Variants in ZZEF1 observed in about 807,000 individuals in gnomAD.
ZZEF1 encodes zinc finger ZZ-type and EF-hand domain-containing protein 1.
In ZZEF1, 157 loss-of-function variants were observed where a neutral mutation model predicts 342.8. The observed-to-expected ratio is 0.46, with a 90% CI of 0.40 to 0.52. ZZEF1 has a LOEUF of 0.52. Ranked by LOEUF, ZZEF1 falls within the 20% of genes least tolerant of loss-of-function variation. The pLI, the probability that ZZEF1 is intolerant of heterozygous loss-of-function variation, is 0.00. For missense variants in ZZEF1, 3,480 were observed against 3,725.6 expected, an observed-to-expected ratio of 0.93 and a Z score of 1.72; for synonymous variants, 1,505 against 1,429.1, an observed-to-expected ratio of 1.05 and a Z score of -1.20.
At chr17:4,110,649 AT>A (rs2058280680) in intron 5 of ZZEF1, among the ~76,000 whole-genome samples, 1 of 151,488 alleles carries the variant, frequency 6.6e-6, no homozygotes, top group Non-Finnish European at 1.5e-5. Context: ...CAAGGTTATA[AT>A]GGTATAAAAT....
chr17:4,138,638 A>G (rs2058792779), intron 1 of ZZEF1, among the ~76,000 whole-genome samples: 1 of 152,218 alleles, frequency 6.6e-6, no homozygotes, highest in Non-Finnish European at 1.5e-5. Context: ...CGAATTTCAC[A>G]AAGTAGGCAC....
chr17:4,120,787 A>G (rs1790451330), intron 2 of ZZEF1, among the ~76,000 whole-genome samples: 1 of 152,218 alleles, frequency 6.6e-6, no homozygotes, highest in Admixed American at 6.5e-5. Flanking sequence ...TGTTAAAAAC[A>G]AAACAAAAAC....
At chr17:4,045,165 A>T (rs571190249) in intron 37 of ZZEF1, among the ~76,000 whole-genome samples, 158 of 119,738 alleles carry the variant, frequency 1.3e-3, no homozygotes, top group African/African-American at 4.6e-3. Flanking sequence ...AAAAAAAAAT[A>T]AGATAGTAAC....
intron 34 of ZZEF1, among the ~76,000 whole-genome samples, chr17:4,053,819 A>T (rs142749447): frequency 3.9e-5 from 6 of 152,318 alleles, no homozygotes; most frequent in African/African-American, 7.2e-5. Context: ...ACTGGTCCCG[A>T]GTGTTTATTA....
intron 18 of ZZEF1, among the ~76,000 whole-genome samples, chr17:4,079,247 G>C (rs558231382): frequency 6.6e-6 from 1 of 152,162 alleles, no homozygotes; most frequent in African/African-American, 2.4e-5. Context: ...GGGCAGAATC[G>C]ACTCCTATGA....
chr17:4,024,936 A>G lies in ZZEF1; in HGVS notation c.7075T>C (p.Leu2359=). ...CCCATTACCTTTAGTGTTTTATACA[A>G]TCCTTTCAGGGCCAGGGACAGGACC... ...TWVLSLALKG[L]YKTLKAHGFE... The change falls in exon 43 of 55, where the codon TTG becomes CTG. Residue 2359 remains leucine, a synonymous_variant. Coordinates refer to ENST00000381638, the MANE Select transcript of ZZEF1 (RefSeq NM_015113.4). 1 of 1,614,188 alleles carries G rather than the reference A, an allele frequency of 6.2e-7. No individual in the cohort carries two copies. The highest frequency in any genetic ancestry group is 1.1e-5 in the South Asian group (1 of 91,078).
At chr17:4,038,731 G>A (rs543130356) in intron 39 of ZZEF1, among the ~76,000 whole-genome samples, 6 of 152,146 alleles carry the variant, frequency 3.9e-5, no homozygotes, top group South Asian at 2.1e-4. Context: ...ACTTGAACCC[G>A]GGAGGCAGAG....
chr17:4,014,065 T>G lies in ZZEF1; in HGVS notation c.8413+25A>C. The G allele has an allele frequency of 6.2e-7, 1 of 1,609,388 alleles. No individual in the cohort carries two copies. The highest frequency in any genetic ancestry group is 8.5e-7 in the Non-Finnish European group (1 of 1,176,008). On this transcript the variant is annotated intron_variant, in intron 51 of 54. Transcript: ENST00000381638. This position sits in a 1 kb window ranked among gnomAD's most constrained non-coding sequence, Gnocchi z 4.4. ...GAGTGTCCCTGGCAGGCAGATGGTG[T>G]GAACGCAAAGCCCAGAGCACACACC...
intron 12 of ZZEF1, 26 bp from the exon 13 acceptor site, chr17:4,088,919 TAGA>T: frequency 6.2e-7 from 1 of 1,607,916 alleles, no homozygotes; most frequent in Non-Finnish European, 8.5e-7. Flanking sequence ...GAGATTTCAA[TAGA>T]AGAACTCAGA....
At chr17:4,077,110 C>G in intron 19 of ZZEF1, 121 bp from the exon 20 acceptor site, 1 of 977,444 alleles carries the variant, frequency 1.0e-6, no homozygotes, top group South Asian at 2.9e-5. Context: ...CAGCGAAGAC[C>G]ACAAGGCCAG....
At chr17:4,082,344 A>C in intron 17 of ZZEF1, 93 bp downstream of exon 17, 4 of 1,163,414 alleles carry the variant, frequency 3.4e-6, no homozygotes, top group Non-Finnish European at 3.8e-6. Flanking sequence ...AGGAAGTACT[A>C]CTTCGAAGGC....
chr17:4,054,630 G>A (rs771146548), intron 33 of ZZEF1, among the ~76,000 whole-genome samples: 10 of 152,330 alleles, frequency 6.6e-5, no homozygotes, highest in Non-Finnish European at 1.0e-4. Flanking sequence ...GACTCAGTGC[G>A]TCGAATACAG....
At chr17:4,084,735 A>G (rs1417420090) in intron 16 of ZZEF1, among the ~76,000 whole-genome samples, 1 of 152,244 alleles carries the variant, frequency 6.6e-6, no homozygotes, top group Non-Finnish European at 1.5e-5. Flanking sequence ...TAGATACTAA[A>G]AGCATTTTTC....
At position 4,074,301 on chromosome 17, in the gene ZZEF1, G is replaced by C; in HGVS notation, c.3534C>G (p.Asp1178Glu). 6.2e-7 allele frequency: 1 copy of C among 1,614,190 alleles called. No homozygotes were observed. Among genetic ancestry groups the C allele is most frequent in the South Asian group, 1.1e-5 (1 of 91,084 alleles). Residue 1178 changes from aspartate (D) to glutamate (E), a missense_variant, in exon 24 of 55, where the codon GAC becomes GAG. Asp to Glu is a conservative substitution (Grantham distance 45). Coordinates refer to ENST00000381638, the MANE Select transcript of ZZEF1 (RefSeq NM_015113.4). ...GPRLQFLFHS[D>E]SSHNEWGYKF... ...TGTAGCCCCATTCGTTGTGACTGCT[G>C]TCAGAGTGAAAGAGGAACTGCAACC... is the stretch of plus-strand genomic sequence containing the variant.
chr17:4,055,268 G>C (rs1325308957), intron 33 of ZZEF1, among the ~76,000 whole-genome samples: 1 of 152,174 alleles, frequency 6.6e-6, no homozygotes, highest in Non-Finnish European at 1.5e-5. Flanking sequence ...ACATATGCGA[G>C]AGAAAAAGCC....
chr17:4,086,485 C>A lies in ZZEF1; in HGVS notation c.2512+1G>T. ...ATTAAAGAGAAAACCCAAATCCCTA[C>A]CATCACACAAGTGTGTGTACAGCTC... is the stretch of plus-strand genomic sequence containing the variant. On this transcript the variant is annotated splice_donor_variant, in intron 15 of 54. Coordinates refer to ENST00000381638, the MANE Select transcript of ZZEF1 (RefSeq NM_015113.4). LOFTEE classifies it high-confidence loss of function. 6.2e-7 allele frequency: 1 copy of A among 1,614,048 alleles called. No individual in the cohort carries two copies. Among genetic ancestry groups the A allele is most frequent in the Non-Finnish European group, 8.5e-7 (1 of 1,179,962 alleles).
At chr17:4,065,483 A>G (rs576631282) in intron 28 of ZZEF1, among the ~76,000 whole-genome samples, 49 of 152,258 alleles carry the variant, frequency 3.2e-4, no homozygotes, top group African/African-American at 1.1e-3. Context: ...ATCAAATTTT[A>G]TCTCATTATA....
At chr17:4,027,368 C>T (rs2056434646) in intron 42 of ZZEF1, among the ~76,000 whole-genome samples, 1 of 139,178 alleles carries the variant, frequency 7.2e-6, no homozygotes, top group South Asian at 2.3e-4. Context: ...AATCTTGGCT[C>T]ACTGCAACCT....
chr17:4,057,984 G>A lies in ZZEF1; in HGVS notation c.5165+10C>T, dbSNP rs774479790. 20 of 1,613,202 alleles carry A rather than the reference G, an allele frequency of 1.2e-5. No homozygotes were observed. Among genetic ancestry groups the A allele is most frequent in the African/African-American group, 4.0e-5 (3 of 74,874 alleles). On this transcript the variant is annotated intron_variant, in intron 32 of 54. Coordinates refer to ENST00000381638, the MANE Select transcript of ZZEF1 (RefSeq NM_015113.4). The stretch of plus-strand genomic sequence containing the variant: ...ATTAGGAACTGCAGAGCGCAGGACC[G>A]TGCTCTTACCTGATCACACTGTCAT...
Sources: gnomAD v4.1 joint callset for allele counts (sites outside exome capture counted in the v4.1 genomes callset) on GRCh38, gnomAD v4.1.1 for gene constraint, Gnocchi (gnomAD v3.1) non-coding constraint, MANE v1.5 for transcripts, NCBI Gene and HGNC (gene_info 2026-07-23, HGNC 2026-07-21) for gene names.